GALNTL5: variants seen among roughly 807,000 people sequenced by gnomAD.
GALNTL5 encodes the protein inactive polypeptide N-acetylgalactosaminyltransferase-like protein 5.
A neutral mutation model predicts 51.0 loss-of-function variants in GALNTL5; 44 were observed. The observed-to-expected ratio is 0.86, with a 90% CI of 0.68 to 1.11. GALNTL5 has a LOEUF of 1.11. Ranked by LOEUF, GALNTL5 falls within the 50% of genes least tolerant of loss-of-function variation. The pLI, the probability that GALNTL5 is intolerant of heterozygous loss-of-function variation, is 0.00. For missense variants in GALNTL5, 528 were observed against 531.8 expected (o/e 0.99, Z 0.07); for synonymous variants, 192 against 182.8 (o/e 1.05, Z -0.41).
chr7:151,980,594 C>T lies in GALNTL5; in HGVS notation c.369-2392C>T, dbSNP rs144213044. On this transcript the variant is annotated intron_variant, in intron 3 of 8. Coordinates refer to ENST00000392800, the MANE Select transcript of GALNTL5 (RefSeq NM_145292.4). ...ATCTTGTCTTGGATAAAAAGGAAGACGAGGACAAGGCCCTCTCCTTCCCTG... is the reference window on the plus strand; with the variant it reads ...ATCTTGTCTTGGATAAAAAGGAAGATGAGGACAAGGCCCTCTCCTTCCCTG... Among the ~76,000 whole-genome samples, 91 of 152,046 alleles carry T rather than the reference C, an allele frequency of 6.0e-4. No homozygotes were observed. In the East Asian group the frequency reaches 0.014, roughly 23 times the overall value.
chr7:151,973,495 C>A (rs1372568297), intron 3 of GALNTL5, among the ~76,000 whole-genome samples: 1 of 152,108 alleles, frequency 6.6e-6, no homozygotes, highest in African/African-American at 2.4e-5. Context: ...TTAATGTCTG[C>A]CCCGCTGGGT....
chr7:151,967,327 G>A lies in GALNTL5; in HGVS notation c.81G>A (p.Leu27=), dbSNP rs777677788. 2 of 1,614,102 alleles carry A rather than the reference G, an allele frequency of 1.2e-6. No homozygotes were observed. The highest frequency in any genetic ancestry group is 2.2e-5 in the South Asian group (2 of 91,084). The change falls in exon 2 of 9, where the codon TTG becomes TTA. Residue 27 remains leucine, a synonymous_variant. Coordinates refer to ENST00000392800, the MANE Select transcript of GALNTL5 (RefSeq NM_145292.4). The stretch of plus-strand genomic sequence containing the variant: ...GGACAGCTCTGTTATTCATATATTT[G>A]CACCATAATCATGTGAGCAGCTGGC... ...GIWTALLFIY[L]HHNHVSSWQK...
intron 5 of GALNTL5, among the ~76,000 whole-genome samples, chr7:151,993,911 C>T (rs1201065866): frequency 6.6e-6 from 1 of 152,144 alleles, no homozygotes; most frequent in Non-Finnish European, 1.5e-5. Context: ...CATGAGCCAC[C>T]ACACATGGCT....
chr7:151,960,655 G>A lies in GALNTL5; in HGVS notation c.-40+4046G>A, dbSNP rs563509525. The A allele has an allele frequency of 8.1e-4, 123 of 152,476 alleles. 5 individuals are homozygous for A. The South Asian group carries it at 0.025, about 31-fold the overall frequency. 9.4% of individuals were successfully genotyped at this position (152,476 alleles called of 1,614,324 possible). On this transcript the variant is annotated intron_variant, in intron 1 of 8. Coordinates refer to ENST00000392800, the MANE Select transcript of GALNTL5 (RefSeq NM_145292.4). ...CCCCACAGGCAGCTTGCGCTCTCCAGAGTCCCCCCAGATAGACAAGGGAGC... is the reference window on the plus strand; with the variant it reads ...CCCCACAGGCAGCTTGCGCTCTCCAAAGTCCCCCCAGATAGACAAGGGAGC...
At chr7:151,963,892 C>G (rs2081024635) in intron 1 of GALNTL5, among the ~76,000 whole-genome samples, 1 of 152,176 alleles carries the variant, frequency 6.6e-6, no homozygotes, top group African/African-American at 2.4e-5. Flanking sequence ...CTTTCTGGTT[C>G]TATTTGCATT....
intron 3 of GALNTL5, among the ~76,000 whole-genome samples, chr7:151,972,840 C>T (rs1472057003): frequency 2.0e-5 from 3 of 152,060 alleles, no homozygotes; most frequent in Admixed American, 6.6e-5. Context: ...GCAGAGCCCT[C>T]GTGGAGAACC....
rs2081362510 is a variant in GALNTL5, at chr7:151,986,637, C to CA, written c.536-517dup. 6.6e-5 allele frequency among the ~76,000 whole-genome samples: 10 copies of CA among 151,348 alleles called. No homozygotes were observed. In the South Asian group the frequency reaches 2.1e-3, roughly 32 times the overall value. ...GTAACAGAATGAGGCCCTGTCTCAA[C>CA]AAAAACGAAACAAAAAGAAAAATAT... On this transcript the variant is annotated intron_variant, in intron 4 of 8. Coordinates refer to ENST00000392800, the MANE Select transcript of GALNTL5 (RefSeq NM_145292.4).
At chr7:151,960,333 A>C (rs1250415902) in intron 1 of GALNTL5, 1 of 152,268 alleles carries the variant, frequency 6.6e-6, no homozygotes, top group Non-Finnish European at 1.5e-5. Flanking sequence ...CATATCAGCC[A>C]CAGTATGCCA....
intron 5 of GALNTL5, among the ~76,000 whole-genome samples, chr7:151,988,293 A>T (rs1352730655): frequency 1.3e-5 from 2 of 152,218 alleles, no homozygotes; most frequent in Non-Finnish European, 2.9e-5. Context: ...TCCCAGGAGC[A>T]TCTGAGCAGC....
chr7:151,988,537 G>A lies in GALNTL5; in HGVS notation c.658+1256G>A, dbSNP rs78714803. 9.3e-4 allele frequency among the ~76,000 whole-genome samples: 141 copies of A among 152,156 alleles called. 2 individuals carry two copies. The East Asian group carries it at 0.022, about 24-fold the overall frequency. On this transcript the variant is annotated intron_variant, in intron 5 of 8. Transcript: ENST00000392800. ...TCTCTTTTTCCATGTTGCCCTGGTC[G>A]GTGGACACATTCTCTTATTTAACTG...
chr7:152,003,101 A>G (rs1448173616), intron 6 of GALNTL5, 138 bp downstream of exon 6: 7 of 685,886 alleles, frequency 1.0e-5, no homozygotes, highest in South Asian at 1.9e-5. Flanking sequence ...AGTCTTTAAT[A>G]CAGTAATAGA....
rs1456152961 is a variant in GALNTL5 at position 151,978,008 on chromosome 7, AC to A, written c.369-4977del. Among the ~76,000 whole-genome samples the A allele has an allele frequency of 2.0e-5, 3 of 151,902 alleles. No homozygotes were observed. The East Asian group carries it at 5.8e-4, about 29-fold the overall frequency. ...ACTTTTGATTATACTTACTAATTTT[AC>A]TTTTTTGTCTTCCAATTCATTAATT... On this transcript the variant is annotated intron_variant, in intron 3 of 8. Coordinates refer to ENST00000392800, the MANE Select transcript of GALNTL5 (RefSeq NM_145292.4).
chr7:151,996,169 T>C (rs917520142), intron 5 of GALNTL5, among the ~76,000 whole-genome samples: 6 of 152,234 alleles, frequency 3.9e-5, no homozygotes, highest in Non-Finnish European at 8.8e-5. Context: ...GTAAATACCC[T>C]GACACAGATT....
intron 1 of GALNTL5, among the ~76,000 whole-genome samples, chr7:151,966,775 G>A (rs2151938730): frequency 1.3e-5 from 2 of 152,264 alleles, no homozygotes; most frequent in South Asian, 4.1e-4. Context: ...ATTCATCAGT[G>A]GTGGGCCACA....
At position 152,002,962 on chromosome 7, in the gene GALNTL5, C is replaced by G. The variant is rs764108135; in HGVS notation, c.907C>G (p.Arg303Gly). Reference sequence around the variant, plus strand: ...ACCAGAAGGATCTACTAAACCAATCCGGTGAGATTTCTTCTGGTTTTGGAA... The same window carrying G: ...ACCAGAAGGATCTACTAAACCAATCGGGTGAGATTTCTTCTGGTTTTGGAA... The part of the protein sequence containing the change: ...DGPEGSTKPI[R>G]SPAMSGGIFA... The change falls in exon 6 of 9, where the codon CGG becomes GGG. Residue 303 changes from arginine (R) to glycine (G), a missense_variant and splice_region_variant. Transcript: ENST00000392800. 1 of 1,612,216 alleles carries G rather than the reference C, an allele frequency of 6.2e-7. No individual in the cohort carries two copies. The highest frequency in any genetic ancestry group is 1.1e-5 in the South Asian group (1 of 91,022).
chr7:151,967,357 G>A lies in GALNTL5; in HGVS notation c.111G>A (p.Lys37=), dbSNP rs762323427. 5.0e-6 allele frequency: 8 copies of A among 1,614,050 alleles called. No homozygotes were observed. The African/African-American group carries it at 1.1e-4, about 22-fold the overall frequency. The change falls in exon 2 of 9, where the codon AAG becomes AAA. Residue 37 remains lysine, a synonymous_variant. Transcript: ENST00000392800. ...LHHNHVSSWQ[K]KSQEPLSAWS... is the part of the protein sequence containing the mutation. ...ATAATCATGTGAGCAGCTGGCAGAA[G>A]AAAAGCCAGGAGCCTCTGTCAGCTT...
At chr7:152,012,666 C>G (rs1223545889) in intron 7 of GALNTL5, among the ~76,000 whole-genome samples, 1 of 152,176 alleles carries the variant, frequency 6.6e-6, no homozygotes, top group South Asian at 2.1e-4. Flanking sequence ...AACCCAGATG[C>G]CCATCAACAG....
At chr7:151,959,285 T>G (rs531093845) in intron 1 of GALNTL5, among the ~76,000 whole-genome samples, 186 of 152,262 alleles carry the variant, frequency 1.2e-3, no homozygotes, top group African/African-American at 4.3e-3. Context: ...AAAGTTGACA[T>G]GGAAGTTAAC....
chr7:151,976,871 T>C (rs1230506889), intron 3 of GALNTL5, among the ~76,000 whole-genome samples: 2 of 152,122 alleles, frequency 1.3e-5, no homozygotes, highest in Non-Finnish European at 2.9e-5. Context: ...TTTCACCATG[T>C]TGGTCAGGCT....
Sources: gnomAD v4.1 joint callset for allele counts (sites outside exome capture counted in the v4.1 genomes callset) on GRCh38, gnomAD v4.1.1 for gene constraint, MANE v1.5 for transcripts, NCBI Gene and HGNC (gene_info 2026-07-23, HGNC 2026-07-21) for gene names.